The following SRFBP1 variants were observed in gnomAD, a reference collection of about 807,000 sequenced individuals.
SRFBP1 encodes serum response factor-binding protein 1.
Under a neutral mutation model 45.5 loss-of-function variants are expected in SRFBP1, and 47 were observed. The ratio of observed to expected loss-of-function variants is 1.03; its 90% confidence interval spans 0.82 to 1.32. The LOEUF is 1.32. Among genes scored for constraint, SRFBP1 ranks in the 40% most tolerant of loss-of-function variants. The pLI is 0.00. For synonymous variants in SRFBP1, 203 were observed against 166.3 expected, an observed-to-expected ratio of 1.22 and a Z score of -1.70; for missense variants, 621 against 484.6, an observed-to-expected ratio of 1.28 and a Z score of -2.64.
At chr5:121,967,619 G>A (rs974083660) in intron 1 of SRFBP1, among the ~76,000 whole-genome samples, 1 of 152,152 alleles carries the variant, frequency 6.6e-6, no homozygotes, top group African/African-American at 2.4e-5. Flanking sequence ...GATCACTTGA[G>A]CTCACGAGTT....
chr5:121,964,065 G>T (rs546152763), intron 1 of SRFBP1, among the ~76,000 whole-genome samples: 1 of 152,276 alleles, frequency 6.6e-6, no homozygotes, highest in South Asian at 2.1e-4. Flanking sequence ...CTTCAAGGAG[G>T]AAATGTATCT....
At chr5:122,058,611 A>G (rs948148540) in intron 2 of SRFBP1, among the ~76,000 whole-genome samples, 61 of 151,740 alleles carry the variant, frequency 4.0e-4, no homozygotes, top group African/African-American at 1.5e-3. Context: ...AACTCATTAA[A>G]TATTTAATAC....
At chr5:121,997,219 C>T (rs1487136938) in intron 4 of SRFBP1, among the ~76,000 whole-genome samples, 1 of 148,800 alleles carries the variant, frequency 6.7e-6, no homozygotes, top group Non-Finnish European at 1.5e-5. Context: ...CAATCCTAAG[C>T]CAAAAGAACA....
intron 4 of SRFBP1, among the ~76,000 whole-genome samples, chr5:122,005,555 A>G (rs114302289): frequency 1.3e-5 from 2 of 152,078 alleles, no homozygotes; most frequent in Admixed American, 6.5e-5. Flanking sequence ...TATAGGCAGC[A>G]TATGGTTGGG....
intron 4 of SRFBP1, among the ~76,000 whole-genome samples, chr5:122,009,226 A>G (rs1274874102): frequency 5.9e-5 from 9 of 152,002 alleles, no homozygotes; most frequent in African/African-American, 2.2e-4. Context: ...TCTTTTTTTA[A>G]ATATTTAATT....
chr5:121,986,075 G>A (rs767503689), intron 3 of SRFBP1, among the ~76,000 whole-genome samples: 5 of 151,938 alleles, frequency 3.3e-5, no homozygotes, highest in Non-Finnish European at 1.5e-5. Flanking sequence ...AATAGTAAAA[G>A]GAAGAGTACC....
downstream of SRFBP1, among the ~76,000 whole-genome samples, chr5:122,031,991 A>G (rs918131906): frequency 6.6e-6 from 1 of 152,228 alleles, no homozygotes; most frequent in African/African-American, 2.4e-5. Context: ...TAGTGAGTGC[A>G]TGCTAATGAG....
Position 122,074,312 on chromosome 5 carries a change from A to G in SRFBP1, n.312-1003A>G, listed in dbSNP as rs1485164314. 4.5e-6 allele frequency: 3 copies of G among 665,862 alleles called. No individual in the cohort carries two copies. The Admixed American group carries it at 8.8e-5, about 20-fold the overall frequency. The allele number at this position is 665,862 out of a possible 1,614,324, so 41.2% of individuals were successfully genotyped here. On this transcript the variant is annotated intron_variant and non_coding_transcript_variant, in intron 2 of 2. Coordinates refer to the SRFBP1 transcript ENST00000504881. The stretch of plus-strand genomic sequence containing the variant: ...AATTTATCTTCTAAAAGAGAGATTC[A>G]TGCTAGGGTTTTTTTTTCCCCAGGA...
At chr5:122,049,330 C>T (rs1172499869) in intron 2 of SRFBP1, among the ~76,000 whole-genome samples, 1 of 152,072 alleles carries the variant, frequency 6.6e-6, no homozygotes, top group South Asian at 2.1e-4. Context: ...AGCTAAGTAT[C>T]CTAAATATGT....
chr5:122,060,016 C>G (rs77932720), intron 2 of SRFBP1, among the ~76,000 whole-genome samples: 2,206 of 152,186 alleles, frequency 0.014, 29 homozygotes, highest in Middle Eastern at 0.031. Context: ...TAAGAAGGAA[C>G]TTGGATCTTC....
chr5:121,989,438 T>C (rs1242536613), intron 3 of SRFBP1, among the ~76,000 whole-genome samples: 1 of 152,126 alleles, frequency 6.6e-6, no homozygotes, highest in Non-Finnish European at 1.5e-5. Flanking sequence ...ATTAACAATA[T>C]ACACTAGGAA....
chr5:122,037,447 T>C lies in SRFBP1; in HGVS notation n.311+15040T>C, dbSNP rs184303713. On this transcript the variant is annotated intron_variant and non_coding_transcript_variant, in intron 2 of 2. Coordinates refer to the SRFBP1 transcript ENST00000504881. ...TAGAATTCTTACCATCTTCAAATTA[T>C]TCCATGTTTTCCTCTTGTATTTTTA... Among the ~76,000 whole-genome samples, 10 of 152,318 alleles carry C rather than the reference T, an allele frequency of 6.6e-5. No homozygotes were observed. The East Asian group carries it at 1.7e-3, about 26-fold the overall frequency.
At chr5:122,059,421 A>C (rs1754136836) in intron 2 of SRFBP1, among the ~76,000 whole-genome samples, 1 of 151,936 alleles carries the variant, frequency 6.6e-6, no homozygotes, top group South Asian at 2.1e-4. Context: ...TGCAATGCAA[A>C]TTTAATGTAG....
intron 4 of SRFBP1, among the ~76,000 whole-genome samples, chr5:122,011,367 A>C (rs564134820): frequency 4.7e-4 from 71 of 152,234 alleles, no homozygotes; most frequent in African/African-American, 1.6e-3. Context: ...CACAGTTTCC[A>C]GAGAATTTTC....
At chr5:121,993,215 C>T (rs1752652346) in intron 3 of SRFBP1, among the ~76,000 whole-genome samples, 1 of 152,096 alleles carries the variant, frequency 6.6e-6, no homozygotes. Context: ...TGAAAGACCA[C>T]AAAAGTTGGC....
chr5:122,026,498 T>C (rs569171325), intron 7 of SRFBP1, among the ~76,000 whole-genome samples: 19 of 152,344 alleles, frequency 1.2e-4, no homozygotes, highest in African/African-American at 4.6e-4. Context: ...GAGTAAGCAC[T>C]ATCAGTATTG....
intron 4 of SRFBP1, among the ~76,000 whole-genome samples, chr5:122,011,584 A>C (rs566406385): frequency 1.3e-5 from 2 of 152,154 alleles, no homozygotes; most frequent in African/African-American, 4.8e-5. Flanking sequence ...TATCTCACCT[A>C]TGAAGCCTAT....
chr5:122,005,755 C>T (rs1752960742), intron 4 of SRFBP1, among the ~76,000 whole-genome samples: 1 of 152,048 alleles, frequency 6.6e-6, no homozygotes, highest in Admixed American at 6.6e-5. Context: ...CTGTGTTTCT[C>T]ATTAAATGAT....
rs555004781 is a variant in SRFBP1 at position 121,978,541 on chromosome 5, GAGTGC to G, written c.198+3159_198+3163del. Among the ~76,000 whole-genome samples, 759 of 152,146 alleles carry G rather than the reference GAGTGC, an allele frequency of 5.0e-3. 10 individuals are homozygous for G. The highest frequency in any genetic ancestry group is 0.017 in the African/African-American group (716 of 41,500). ...GAGTCTCTCTCTGTCGCCCATGCTG[GAGTGC>G]AGTGACCCGATCTCTGCTCACTGTA... On this transcript the variant is annotated intron_variant, in intron 3 of 7. Transcript: ENST00000339397.
Sources: gnomAD v4.1 joint callset for allele counts (sites outside exome capture counted in the v4.1 genomes callset) on GRCh38, gnomAD v4.1.1 for gene constraint, MANE v1.5 for transcripts, NCBI Gene and HGNC (gene_info 2026-07-23, HGNC 2026-07-21) for gene names.